Variants in SHISA9 observed in about 807,000 individuals in gnomAD.
SHISA9 encodes the protein protein shisa-9.
SHISA9 carries 13 observed loss-of-function variants against 38.0 expected under a neutral mutation model. The ratio of observed to expected loss-of-function variants is 0.34; its 90% CI spans 0.22 to 0.54. SHISA9 has a LOEUF of 0.54. SHISA9 is among the 20% of genes least tolerant of loss of function. The pLI, the probability that SHISA9 is intolerant of heterozygous loss-of-function variation, is 0.91. For missense variants in SHISA9, 538 were observed against 575.8 expected (o/e 0.93, Z 0.67); for synonymous variants, 275 against 242.0 (o/e 1.14, Z -1.27).
chr16:13,407,525 T>G, the SHISA9 span, among the ~76,000 whole-genome samples: 1 of 152,220 alleles, frequency 6.6e-6, no homozygotes, highest in Non-Finnish European at 1.5e-5. Flanking sequence ...GGGACACAAG[T>G]GTTCAGTTTA....
At chr16:13,408,004 T>G in the SHISA9 span, among the ~76,000 whole-genome samples, 48 of 152,286 alleles carry the variant, frequency 3.2e-4, no homozygotes, top group South Asian at 2.9e-3. Flanking sequence ...GTGCACATGG[T>G]CAGGGTTCTG....
the SHISA9 span, chr16:13,246,218 G>T: frequency 6.6e-6 from 1 of 152,072 alleles, no homozygotes; most frequent in Non-Finnish European, 1.5e-5. Context: ...TGAATCATGG[G>T]GGTGGTTTTC....
At chr16:12,913,454 C>G (rs2071212859) in intron 1 of SHISA9, among the ~76,000 whole-genome samples, 1 of 152,182 alleles carries the variant, frequency 6.6e-6, no homozygotes, top group African/African-American at 2.4e-5. Context: ...GTCTTGGCCT[C>G]CCAAAGTGCT....
chr16:13,460,401 C>A, the SHISA9 span, among the ~76,000 whole-genome samples: 2 of 151,832 alleles, frequency 1.3e-5, no homozygotes, highest in Non-Finnish European at 2.9e-5. Context: ...TCACAACAAG[C>A]CCCCCCGATC....
the SHISA9 span, among the ~76,000 whole-genome samples, chr16:13,245,842 C>A: frequency 1.3e-5 from 2 of 152,152 alleles, no homozygotes; most frequent in African/African-American, 4.8e-5. Context: ...TTTCTTCACC[C>A]CTCCCAGAGG....
intron 3 of SHISA9, among the ~76,000 whole-genome samples, chr16:13,209,317 T>A (rs2051096499): frequency 6.6e-6 from 1 of 152,200 alleles, no homozygotes; most frequent in African/African-American, 2.4e-5. Flanking sequence ...TGGTTCCATA[T>A]TCTTTACTCC....
intron 2 of SHISA9, among the ~76,000 whole-genome samples, chr16:13,106,099 C>G (rs1030755340): frequency 6.6e-6 from 1 of 152,158 alleles, no homozygotes; most frequent in Non-Finnish European, 1.5e-5. Flanking sequence ...AAATAACTTG[C>G]TCAAGGTCAC....
intron 2 of SHISA9, among the ~76,000 whole-genome samples, chr16:13,199,290 T>A (rs568456475): frequency 6.6e-6 from 1 of 152,294 alleles, no homozygotes; most frequent in South Asian, 2.1e-4. Flanking sequence ...CATTGAGACA[T>A]TAGTTAGCTT....
At chr16:13,326,711 G>C in the SHISA9 span, among the ~76,000 whole-genome samples, 1 of 152,142 alleles carries the variant, frequency 6.6e-6, no homozygotes, top group Admixed American at 6.5e-5. Flanking sequence ...ATGAAGCAAG[G>C]CGCCTTCTCA....
At chr16:13,054,742 C>G (rs1300539925) in intron 2 of SHISA9, among the ~76,000 whole-genome samples, 1 of 152,200 alleles carries the variant, frequency 6.6e-6, no homozygotes, top group African/African-American at 2.4e-5. Context: ...TTAACACGGG[C>G]TGCTTCTGGC....
chr16:12,982,088 C>G (rs1257743603), intron 2 of SHISA9, among the ~76,000 whole-genome samples: 1 of 152,174 alleles, frequency 6.6e-6, no homozygotes, highest in Non-Finnish European at 1.5e-5. Flanking sequence ...ACGCCAGGCA[C>G]TACTTTACAA....
intron 2 of SHISA9, among the ~76,000 whole-genome samples, chr16:13,124,076 G>C (rs1479544385): frequency 1.3e-5 from 2 of 152,152 alleles, no homozygotes; most frequent in Admixed American, 6.6e-5. Context: ...CTAGCCCTTG[G>C]TATACAGGTG....
the SHISA9 span, among the ~76,000 whole-genome samples, chr16:13,394,987 A>C: frequency 7.2e-6 from 1 of 139,584 alleles, no homozygotes; most frequent in Non-Finnish European, 1.6e-5. Context: ...GTGTGTGTGC[A>C]TGTGTAGGGG....
intron 4 of SHISA9, among the ~76,000 whole-genome samples, chr16:13,220,704 G>A (rs1166691001): frequency 3.9e-5 from 6 of 152,226 alleles, no homozygotes; most frequent in Non-Finnish European, 7.3e-5. Flanking sequence ...GCAATGCACA[G>A]GAAGGCAGTG....
the SHISA9 span, among the ~76,000 whole-genome samples, chr16:13,546,257 T>C: frequency 6.6e-6 from 1 of 152,238 alleles, no homozygotes; most frequent in Non-Finnish European, 1.5e-5. Flanking sequence ...AAGATTATTG[T>C]TCTCCCTGCT....
the SHISA9 span, among the ~76,000 whole-genome samples, chr16:13,511,052 C>T: frequency 2.6e-5 from 4 of 152,320 alleles, no homozygotes; most frequent in East Asian, 5.8e-4. Context: ...ACGTTCATCA[C>T]TACATTAGCC....
the SHISA9 span, among the ~76,000 whole-genome samples, chr16:13,305,821 A>C: frequency 6.6e-6 from 1 of 152,230 alleles, no homozygotes; most frequent in Non-Finnish European, 1.5e-5. Context: ...CAAAGAGGTG[A>C]TTACACAAGT....
chr16:13,475,101 A>T, the SHISA9 span, among the ~76,000 whole-genome samples: 1 of 152,100 alleles, frequency 6.6e-6, no homozygotes, highest in East Asian at 1.9e-4. Context: ...ATGAATTAGG[A>T]AGCTTTGCAG....
chr16:12,977,836 G>T (rs1470002150), intron 2 of SHISA9, among the ~76,000 whole-genome samples: 2 of 151,946 alleles, frequency 1.3e-5, no homozygotes, highest in Non-Finnish European at 1.5e-5. Context: ...AGGGGGGAGA[G>T]TGAGAGCATC....
Sources: gnomAD v4.1 joint callset for allele counts (sites outside exome capture counted in the v4.1 genomes callset) on GRCh38, gnomAD v4.1.1 for gene constraint, MANE v1.5 for transcripts, NCBI Gene and HGNC (gene_info 2026-07-23, HGNC 2026-07-21) for gene names.